PXDNL: variants seen among roughly 807,000 people sequenced by gnomAD.
PXDNL encodes probable oxidoreductase PXDNL.
A neutral mutation model predicts 150.8 loss-of-function variants in PXDNL; 145 were observed. The observed-to-expected ratio is 0.96, with a 90% confidence interval of 0.84 to 1.10. The LOEUF (loss-of-function observed/expected upper bound fraction) is 1.10. Among genes scored for constraint, PXDNL ranks in the 50% least tolerant of loss-of-function variants. The pLI is 0.00. For synonymous variants in PXDNL, 757 were observed against 725.7 expected (o/e 1.04, Z -0.69); for missense variants, 2,087 against 1,873.9 (o/e 1.11, Z -2.10).
chr8:51,374,485 A>G, intron 18 of PXDNL, 112 bp downstream of exon 18: 3 of 1,003,966 alleles, frequency 3.0e-6, no homozygotes, highest in East Asian at 2.6e-5. Flanking sequence ...GATATTCATT[A>G]TACTCAATAT....
At chr8:51,500,914 T>A (rs1368989957) in intron 4 of PXDNL, among the ~76,000 whole-genome samples, 4 of 152,230 alleles carry the variant, frequency 2.6e-5, no homozygotes, top group Non-Finnish European at 4.4e-5. Context: ...AGAAAAATGT[T>A]TAAGAAAAAG....
intron 4 of PXDNL, among the ~76,000 whole-genome samples, chr8:51,544,904 A>G (rs1162485382): frequency 6.9e-6 from 1 of 143,902 alleles, no homozygotes; most frequent in Admixed American, 6.8e-5. Context: ...AAATAAAGGC[A>G]GTATAAAAAC....
At chr8:51,721,074 C>A (rs1816722453) in intron 1 of PXDNL, among the ~76,000 whole-genome samples, 2 of 152,344 alleles carry the variant, frequency 1.3e-5, no homozygotes, top group South Asian at 2.1e-4. Context: ...AGTCTCAGAG[C>A]CTCCTGGCTG....
chr8:51,779,294 G>T (rs74960104), intron 1 of PXDNL, among the ~76,000 whole-genome samples: 1 of 152,166 alleles, frequency 6.6e-6, no homozygotes, highest in African/African-American at 2.4e-5. Context: ...GCAAGGGAAG[G>T]CCACACATAT....
chr8:51,742,924 C>T (rs1226382840), intron 1 of PXDNL, among the ~76,000 whole-genome samples: 7 of 152,194 alleles, frequency 4.6e-5, no homozygotes, highest in Middle Eastern at 6.8e-3. Flanking sequence ...ATCATTGGAG[C>T]CTGTTGGTGA....
chr8:51,408,303 C>G lies in PXDNL; in HGVS notation c.3321G>C (p.Val1107=). 1 of 1,613,972 alleles carries G rather than the reference C, an allele frequency of 6.2e-7. No homozygotes were observed. The highest frequency in any genetic ancestry group is 2.2e-5 in the East Asian group (1 of 44,870). Residue 1107 remains valine (V), a synonymous_variant, in exon 17 of 23, where the codon GTG becomes GTC. Coordinates refer to ENST00000356297, the MANE Select transcript of PXDNL (RefSeq NM_144651.5). ...AGGAGGGTGCCCGCCATTTAGCAGC[C>G]ACGCCAAACAGCCCCCGGAGAACCG... ...IDPVLRGLFG[V]AAKWRAPSYL...
Position 51,506,328 on chromosome 8 carries a change from A to G in PXDNL, c.381-6558T>C, listed in dbSNP as rs901228554. Among the ~76,000 whole-genome samples, 6 of 152,102 alleles carry G rather than the reference A, an allele frequency of 3.9e-5. No individual in the cohort carries two copies. The East Asian group carries it at 9.7e-4, about 25-fold the overall frequency. Reference sequence around the variant, plus strand: ...GAGGCCAAGGCGGGCGGATCACGAGATCAGGAGATTGAGACCATCCTGGCC... The same window carrying G: ...GAGGCCAAGGCGGGCGGATCACGAGGTCAGGAGATTGAGACCATCCTGGCC... On this transcript the variant is annotated intron_variant, in intron 4 of 22. Transcript: ENST00000356297.
At chr8:51,616,237 T>C (rs1814127771) in intron 2 of PXDNL, among the ~76,000 whole-genome samples, 1 of 152,116 alleles carries the variant, frequency 6.6e-6, no homozygotes, top group African/African-American at 2.4e-5. Context: ...ATTTGAAAAA[T>C]CTGCACAGAT....
At chr8:51,455,800 G>A (rs1586121413) in intron 9 of PXDNL, among the ~76,000 whole-genome samples, 1 of 152,266 alleles carries the variant, frequency 6.6e-6, no homozygotes, top group East Asian at 1.9e-4. Flanking sequence ...GCCTAGGCAG[G>A]AGGATCACTT....
intron 4 of PXDNL, among the ~76,000 whole-genome samples, chr8:51,543,333 T>C (rs906721295): frequency 2.0e-5 from 3 of 152,170 alleles, no homozygotes; most frequent in African/African-American, 7.2e-5. Flanking sequence ...TGTAGCAGTT[T>C]TATACAGGTG....
At chr8:51,549,120 G>A (rs1277191965) in intron 4 of PXDNL, among the ~76,000 whole-genome samples, 1 of 152,070 alleles carries the variant, frequency 6.6e-6, no homozygotes, top group Non-Finnish European at 1.5e-5. Flanking sequence ...TAGCCCAATA[G>A]AAAAATATCA....
intron 22 of PXDNL, 35 bp downstream of exon 22, chr8:51,320,749 A>ACAG: frequency 7.1e-7 from 1 of 1,403,168 alleles, no homozygotes; most frequent in Non-Finnish European, 9.7e-7. Flanking sequence ...TAGAAGTGAA[A>ACAG]TGGGGAGTTG....
At chr8:51,615,263 AT>A (rs901211920) in intron 2 of PXDNL, among the ~76,000 whole-genome samples, 3 of 151,168 alleles carry the variant, frequency 2.0e-5, no homozygotes, top group African/African-American at 7.3e-5. Context: ...AATCCTTACA[AT>A]TTTTTTCTAC....
chr8:51,368,669 G>T (rs1806994385), intron 19 of PXDNL, among the ~76,000 whole-genome samples: 1 of 152,142 alleles, frequency 6.6e-6, no homozygotes, highest in African/African-American at 2.4e-5. Context: ...CCAAACGGAG[G>T]TCTCTATTTT....
At chr8:51,348,591 T>C (rs1806233981) in intron 19 of PXDNL, among the ~76,000 whole-genome samples, 1 of 152,224 alleles carries the variant, frequency 6.6e-6, no homozygotes. Context: ...GTTAGTATAG[T>C]AGATGCTTTG....
intron 14 of PXDNL, among the ~76,000 whole-genome samples, chr8:51,421,369 T>C (rs1004672968): frequency 2.6e-5 from 4 of 152,048 alleles, no homozygotes; most frequent in Non-Finnish European, 4.4e-5. Flanking sequence ...CATGAACTCA[T>C]AGAGAATAGC....
At chr8:51,788,791 C>A (rs1585751262) in intron 1 of PXDNL, among the ~76,000 whole-genome samples, 1 of 152,154 alleles carries the variant, frequency 6.6e-6, no homozygotes, top group Non-Finnish European at 1.5e-5. Context: ...GAAAAAACAA[C>A]CTCATTCTCA....
intron 1 of PXDNL, among the ~76,000 whole-genome samples, chr8:51,772,669 G>C (rs1368347664): frequency 6.6e-6 from 1 of 152,210 alleles, no homozygotes; most frequent in Non-Finnish European, 1.5e-5. Flanking sequence ...AGTGTCTCTA[G>C]GGTTGTATGA....
At chr8:51,722,813 AG>A (rs1486978081) in intron 1 of PXDNL, among the ~76,000 whole-genome samples, 1 of 152,154 alleles carries the variant, frequency 6.6e-6, no homozygotes, top group African/African-American at 2.4e-5. Context: ...GGGACATGGC[AG>A]ACCAAAAGGC....
Sources: allele counts gnomAD v4.1 joint callset (sites outside exome capture counted in the v4.1 genomes callset), GRCh38; gene constraint gnomAD v4.1.1; transcripts MANE v1.5; gene names NCBI Gene and HGNC (gene_info 2026-07-23, HGNC 2026-07-21).